The following GUCY2C variants were observed in gnomAD, a reference collection of about 807,000 sequenced individuals.
GUCY2C encodes guanylyl cyclase C.
A neutral mutation model predicts 131.1 loss-of-function variants in GUCY2C; 118 were observed. That is an observed-to-expected ratio of 0.90 (90% confidence interval 0.78 to 1.05). The LOEUF (loss-of-function observed/expected upper bound fraction) is 1.05. GUCY2C is among the 50% of genes least tolerant of loss of function. The pLI, the probability that GUCY2C is intolerant of heterozygous loss-of-function variation, is 0.00. For synonymous variants in GUCY2C, 452 were observed against 457.8 expected, an observed-to-expected ratio of 0.99 and a Z score of 0.16; for missense variants, 1,161 against 1,304.4, an observed-to-expected ratio of 0.89 and a Z score of 1.69.
At chr12:14,655,841 GT>G (rs1351868089) in intron 12 of GUCY2C, among the ~76,000 whole-genome samples, 1 of 152,164 alleles carries the variant, frequency 6.6e-6, no homozygotes, top group Non-Finnish European at 1.5e-5. Context: ...GATGAAATGG[GT>G]TAATGCATGT....
chr12:14,617,881 T>A (rs995619765), intron 24 of GUCY2C, among the ~76,000 whole-genome samples: 1 of 152,208 alleles, frequency 6.6e-6, no homozygotes, highest in African/African-American at 2.4e-5. Flanking sequence ...TCTACTCAAC[T>A]TATACTGAGA....
intron 15 of GUCY2C, among the ~76,000 whole-genome samples, chr12:14,646,279 G>C (rs150228027): frequency 9.2e-5 from 14 of 152,250 alleles, no homozygotes; most frequent in Admixed American, 2.0e-4. Context: ...TCTTATTTTA[G>C]GAAAAAGCCC....
rs897088095 is a variant in GUCY2C at position 14,616,697 on chromosome 12, A to G, written c.2906T>C (p.Ile969Thr). 22 of 1,606,798 alleles carry G rather than the reference A, an allele frequency of 1.4e-5. No homozygotes were observed. Among genetic ancestry groups the G allele is most frequent in the Non-Finnish European group, 1.4e-5 (17 of 1,173,572 alleles). ...PLRIHVSGSTIAILKRTECQF... is the reference protein window; with the variant it reads ...PLRIHVSGSTTAILKRTECQF... The stretch of plus-strand genomic sequence containing the variant: ...GCACTCAGTTCTCTTCAGGATGGCT[A>G]TGGTGGAGCCACTCACGTGAATTCT... Residue 969 changes from isoleucine to threonine, a missense_variant, in exon 25 of 27, where the codon ATA (isoleucine) becomes ACA (threonine). By Grantham distance (89) the Ile-to-Thr change is moderately conservative. Transcript: ENST00000261170.
At chr12:14,643,018 GC>G (rs2137023066) in intron 17 of GUCY2C, among the ~76,000 whole-genome samples, 1 of 152,276 alleles carries the variant, frequency 6.6e-6, no homozygotes, top group South Asian at 2.1e-4. Flanking sequence ...AACACGAAAA[GC>G]CCTTTATACT....
intron 11 of GUCY2C, among the ~76,000 whole-genome samples, chr12:14,657,059 G>A (rs1355790706): frequency 1.3e-5 from 2 of 152,212 alleles, no homozygotes; most frequent in African/African-American, 4.8e-5. Flanking sequence ...AGGCGGTACC[G>A]CTCGCTCACC....
chr12:14,614,844 C>T, intron 26 of GUCY2C, 23 bp downstream of exon 26: 12 of 1,477,780 alleles, frequency 8.1e-6, no homozygotes, highest in Non-Finnish European at 1.0e-5. Context: ...TCCTCCCTGT[C>T]CCTGCCACAC....
At chr12:14,663,377 G>C (rs182816552) in intron 10 of GUCY2C, among the ~76,000 whole-genome samples, 1 of 152,238 alleles carries the variant, frequency 6.6e-6, no homozygotes, top group African/African-American at 2.4e-5. Context: ...CCACCCTCCA[G>C]GTTCAAAGAT....
In GUCY2C at chr12:14,683,029, T is replaced by G. The variant is rs1300206134; in HGVS notation, c.611+13A>C. 2 of 1,569,872 alleles carry G rather than the reference T, an allele frequency of 1.3e-6. No homozygotes were observed. Among genetic ancestry groups the G allele is most frequent in the Non-Finnish European group, 1.8e-6 (2 of 1,140,062 alleles). ...ATGGCAAGTGCTAGTGAAATATTAA[T>G]GATCCTGCTTACCAGAAACAGTCCT... On this transcript the variant is annotated intron_variant, in intron 4 of 26. Coordinates refer to ENST00000261170, the MANE Select transcript of GUCY2C (RefSeq NM_004963.4).
chr12:14,688,002 G>A lies in GUCY2C; in HGVS notation c.279C>T (p.Gly93=), dbSNP rs761359568. 1.7e-5 allele frequency: 27 copies of A among 1,613,644 alleles called. No individual in the cohort carries two copies. The highest frequency in any genetic ancestry group is 2.2e-5 in the South Asian group (2 of 91,082). ...CTTCACAGGTGCTACTCCGGCAGTC[G>A]CCTGAGTTATGAATCAGACCATCCG... The part of the protein sequence containing the change: ...MYSDGLIHNS[G]DCRSSTCEGL... The change falls in exon 2 of 27, where the codon GGC becomes GGT. Residue 93 remains glycine (G), a synonymous_variant. Coordinates refer to ENST00000261170, the MANE Select transcript of GUCY2C (RefSeq NM_004963.4).
intron 17 of GUCY2C, among the ~76,000 whole-genome samples, chr12:14,643,236 A>G (rs186995619): frequency 7.2e-5 from 11 of 152,314 alleles, no homozygotes; most frequent in Non-Finnish European, 1.6e-4. Flanking sequence ...TCCTCTATAA[A>G]GGAAAAAGCT....
chr12:14,673,880 T>C (rs1040348344), intron 8 of GUCY2C, among the ~76,000 whole-genome samples: 1 of 151,956 alleles, frequency 6.6e-6, no homozygotes, highest in African/African-American at 2.4e-5. Context: ...AAGTGATCTC[T>C]TCCTGCCATT....
intron 3 of GUCY2C, among the ~76,000 whole-genome samples, chr12:14,685,079 G>A (rs959459165): frequency 5.3e-5 from 8 of 152,130 alleles, no homozygotes; most frequent in Non-Finnish European, 1.2e-4. Context: ...GTGGACAGGG[G>A]CTGTGTTTTA....
chr12:14,668,565 A>G (rs561118895), intron 10 of GUCY2C, among the ~76,000 whole-genome samples: 1 of 152,004 alleles, frequency 6.6e-6, no homozygotes, highest in African/African-American at 2.4e-5. Context: ...CAGTCTCCCA[A>G]AGTGCTGGGA....
chr12:14,696,513 G>A lies in GUCY2C; in HGVS notation c.-65C>T. ...TGCTTTGCTCTGTTGGGCTCCTAGG[G>A]AGGCAGGGAATCCAGATGGACAGCC... On this transcript the variant is annotated 5_prime_UTR_variant, in exon 1 of 27. Transcript: ENST00000261170. The A allele has an allele frequency of 7.9e-7, 1 of 1,268,996 alleles. No homozygotes were observed. The highest frequency in any genetic ancestry group is 1.1e-6 in the Non-Finnish European group (1 of 879,946). The allele number at this position is 1,268,996 out of a possible 1,614,324, so 78.6% of individuals were successfully genotyped here.
In GUCY2C at chr12:14,622,014, A is replaced by T. The variant is rs1946906502; in HGVS notation, c.2592T>A (p.Asp864Glu). 1 of 1,601,600 alleles carries T rather than the reference A, an allele frequency of 6.2e-7. No homozygotes were observed. Among genetic ancestry groups the T allele is most frequent in the East Asian group, 2.3e-5 (1 of 44,264 alleles). ...KSFDHIVDHH[D>E]VYKVETIGDA... The stretch of plus-strand genomic sequence containing the variant: ...TAGGTGATGTGGTTACCTTGTAGAC[A>T]TCATGATGATCAACAATGTGGTCAA... Residue 864 changes from aspartate (D) to glutamate (E), a missense_variant, in exon 22 of 27, where the codon GAT becomes GAA. Coordinates refer to ENST00000261170, the MANE Select transcript of GUCY2C (RefSeq NM_004963.4).
At chr12:14,682,872 A>C (rs1483697003) in intron 4 of GUCY2C, among the ~76,000 whole-genome samples, 170 bp downstream of exon 4, 4 of 152,196 alleles carry the variant, frequency 2.6e-5, no homozygotes, top group Non-Finnish European at 5.9e-5. Flanking sequence ...TTACAACTCT[A>C]TATTTACTTG....
rs766765359 is a variant in GUCY2C, at chr12:14,696,451, C to A, written c.-3G>T. On this transcript the variant is annotated 5_prime_UTR_variant, in exon 1 of 27. Coordinates refer to ENST00000261170, the MANE Select transcript of GUCY2C (RefSeq NM_004963.4). ...AAGTCCAACAGCAACGTCTTCATGA[C>A]CCCAATCACGTTAGAACCATACTCC... 2.7e-5 allele frequency: 43 copies of A among 1,611,104 alleles called. No individual in the cohort carries two copies. The highest frequency in any genetic ancestry group is 3.5e-5 in the Non-Finnish European group (41 of 1,177,944).
chr12:14,618,618 T>C (rs757826635), intron 24 of GUCY2C, among the ~76,000 whole-genome samples: 7 of 152,012 alleles, frequency 4.6e-5, no homozygotes, highest in Admixed American at 3.3e-4. Context: ...CTGGGCAACA[T>C]AGTGAGACCC....
At chr12:14,643,361 G>T (rs536802538) in intron 17 of GUCY2C, among the ~76,000 whole-genome samples, 2 of 152,128 alleles carry the variant, frequency 1.3e-5, no homozygotes, top group Admixed American at 6.5e-5. Flanking sequence ...AGCAAGGGAC[G>T]CATGGATGAA....
Sources: allele counts gnomAD v4.1 joint callset (sites outside exome capture counted in the v4.1 genomes callset), GRCh38; gene constraint gnomAD v4.1.1; transcripts MANE v1.5; gene names NCBI Gene and HGNC (gene_info 2026-07-23, HGNC 2026-07-21).